Variants in BMPER observed in about 807,000 individuals in gnomAD.
BMPER encodes the protein BMP-binding endothelial regulator protein.
BMPER carries 45 observed loss-of-function variants against 87.3 expected under a neutral mutation model. The ratio of observed to expected loss-of-function variants is 0.52; its 90% CI spans 0.41 to 0.66. The LOEUF is 0.66. Among genes scored for constraint, BMPER ranks in the 30% least tolerant of loss-of-function variants. The pLI is 0.00. For missense variants in BMPER, 784 were observed against 867.5 expected (o/e 0.90, Z 1.21); for synonymous variants, 326 against 316.2 (o/e 1.03, Z -0.33).
chr7:34,093,218 G>A (rs62449754), intron 13 of BMPER, among the ~76,000 whole-genome samples: 8,999 of 152,240 alleles, frequency 0.059, 566 homozygotes, highest in African/African-American at 0.16. Flanking sequence ...TCCTCACCTC[G>A]TGGCATCATG....
chr7:34,080,115 A>G (rs921779879), intron 12 of BMPER, among the ~76,000 whole-genome samples: 2 of 152,126 alleles, frequency 1.3e-5, no homozygotes, highest in African/African-American at 4.8e-5. Context: ...CTATTTTTTT[A>G]AAGCATGATA....
intron 6 of BMPER, among the ~76,000 whole-genome samples, chr7:34,029,219 A>G (rs948701689): frequency 6.6e-6 from 1 of 152,076 alleles, no homozygotes; most frequent in African/African-American, 2.4e-5. Context: ...TTGTTTGTGC[A>G]TGTTGTGCCA....
At position 34,153,279 on chromosome 7, in the gene BMPER, GT is replaced by G; in HGVS notation, c.*9del. ...TCCTTTGTCCCCAGCGGTGACCTTT[GT>G]TTCGATCCTTAAGACTCTGAAATCT... On this transcript the variant is annotated 3_prime_UTR_variant, in exon 15 of 15. Transcript: ENST00000649409. 6.2e-7 allele frequency: 1 copy of G among 1,613,842 alleles called. No homozygotes were observed. The highest frequency in any genetic ancestry group is 8.5e-7 in the Non-Finnish European group (1 of 1,179,898).
intron 2 of BMPER, among the ~76,000 whole-genome samples, chr7:33,928,855 A>G (rs1453689986): frequency 1.3e-5 from 2 of 152,140 alleles, no homozygotes; most frequent in East Asian, 3.9e-4. Flanking sequence ...TTAGTGATGT[A>G]TTAGGGCCAT....
At chr7:34,015,904 G>C (rs1787011654) in intron 6 of BMPER, among the ~76,000 whole-genome samples, 1 of 151,838 alleles carries the variant, frequency 6.6e-6, no homozygotes, top group Non-Finnish European at 1.5e-5. Context: ...GGAGCCTGTA[G>C]AGTAGCATTT....
rs547494618 is a variant in BMPER, at chr7:34,110,989, C to G, written c.1745+24897C>G. On this transcript the variant is annotated intron_variant, in intron 13 of 14. Coordinates refer to ENST00000649409, the MANE Select transcript of BMPER (RefSeq NM_001365308.1). The stretch of plus-strand genomic sequence containing the variant: ...AATGTTTCCAAGAGAAAAAGTCCTT[C>G]TGGTTCAGCAGTTTTCTTTTAAGTT... Among the ~76,000 whole-genome samples the G allele has an allele frequency of 1.1e-4, 17 of 152,304 alleles. No individual in the cohort carries two copies. In the South Asian group the frequency reaches 3.3e-3, roughly 30 times the overall value.
At chr7:34,122,536 G>A (rs894897588) in intron 13 of BMPER, among the ~76,000 whole-genome samples, 2 of 152,186 alleles carry the variant, frequency 1.3e-5, no homozygotes, top group Admixed American at 6.5e-5. Context: ...AGAGTCCTTA[G>A]TGAATTTGCC....
chr7:33,960,277 G>A (rs12672150), intron 3 of BMPER, among the ~76,000 whole-genome samples: 20,194 of 152,168 alleles, frequency 0.13, 1,846 homozygotes, highest in East Asian at 0.24. Flanking sequence ...AGTAATAAAA[G>A]CCTGTTTTAA....
chr7:34,145,584 A>G (rs1474319722), intron 14 of BMPER, among the ~76,000 whole-genome samples: 1 of 152,180 alleles, frequency 6.6e-6, no homozygotes, highest in African/African-American at 2.4e-5. Flanking sequence ...GCCATCTTGA[A>G]TACTCCTAGC....
At chr7:34,037,785 A>G (rs938818117) in intron 6 of BMPER, among the ~76,000 whole-genome samples, 2 of 152,244 alleles carry the variant, frequency 1.3e-5, no homozygotes, top group African/African-American at 4.8e-5. Flanking sequence ...GAATAAGACG[A>G]AAACATTGGA....
At chr7:34,136,464 C>T (rs1275938868) in intron 13 of BMPER, among the ~76,000 whole-genome samples, 1 of 152,144 alleles carries the variant, frequency 6.6e-6, no homozygotes, top group African/African-American at 2.4e-5. Flanking sequence ...GAAATTAGGG[C>T]AGGATTTCAA....
intron 6 of BMPER, among the ~76,000 whole-genome samples, chr7:34,040,707 G>A (rs539836228): frequency 1.3e-5 from 2 of 152,236 alleles, no homozygotes; most frequent in Admixed American, 1.3e-4. Flanking sequence ...TGTGTTAGTG[G>A]ATTATAAATT....
At chr7:34,017,729 A>T (rs1220358586) in intron 6 of BMPER, among the ~76,000 whole-genome samples, 3 of 151,358 alleles carry the variant, frequency 2.0e-5, no homozygotes, top group Non-Finnish European at 4.4e-5. Context: ...CAGTAGTTCT[A>T]GGGCAGGGTG....
At chr7:34,128,418 C>A (rs1790458309) in intron 13 of BMPER, among the ~76,000 whole-genome samples, 1 of 152,164 alleles carries the variant, frequency 6.6e-6, no homozygotes, top group South Asian at 2.1e-4. Context: ...AGTACCCCGC[C>A]TTACTCATCT....
At chr7:33,989,774 T>A (rs1042131444) in intron 6 of BMPER, among the ~76,000 whole-genome samples, 13 of 152,170 alleles carry the variant, frequency 8.5e-5, no homozygotes, top group Admixed American at 3.9e-4. Flanking sequence ...CTTTAATCCA[T>A]CTTGAATTGA....
Position 34,020,888 on chromosome 7 carries a change from A to G in BMPER, c.577-25418A>G, listed in dbSNP as rs111522042. On this transcript the variant is annotated intron_variant, in intron 6 of 14. Coordinates refer to ENST00000649409, the MANE Select transcript of BMPER (RefSeq NM_001365308.1). The stretch of plus-strand genomic sequence containing the variant: ...CACACACACACACACACACACACAC[A>G]CACGCACGCACACACACATATGCAT... Among the ~76,000 whole-genome samples, 1,227 of 147,330 alleles carry G rather than the reference A, an allele frequency of 8.3e-3. 8 individuals carry two copies. The highest frequency in any genetic ancestry group is 0.013 in the Non-Finnish European group (877 of 67,022).
chr7:33,986,041 G>T (rs1217868229), intron 6 of BMPER, among the ~76,000 whole-genome samples: 1 of 152,128 alleles, frequency 6.6e-6, no homozygotes. Context: ...TTTTGTCCAA[G>T]ACTTTTCATT....
chr7:33,984,412 C>T (rs148539632), intron 6 of BMPER, among the ~76,000 whole-genome samples: 19,105 of 151,794 alleles, frequency 0.13, 1,616 homozygotes, highest in Admixed American at 0.23. Context: ...TTGCAGTGAG[C>T]CGAGATCATG....
In BMPER at chr7:34,046,587, G is replaced by A. The variant is rs1185390893; in HGVS notation, c.676+182G>A. Among the ~76,000 whole-genome samples the A allele has an allele frequency of 2.6e-5, 4 of 152,168 alleles. No individual in the cohort carries two copies. In the South Asian group the frequency reaches 8.3e-4, roughly 32 times the overall value. ...TGTACAGGGTTTGCTTCTTAACGGA[G>A]ACCTCCAGGGAGGCTTCTCTCTTGT... is the stretch of plus-strand genomic sequence containing the variant. On this transcript the variant is annotated intron_variant, in intron 7 of 14. Coordinates refer to ENST00000649409, the MANE Select transcript of BMPER (RefSeq NM_001365308.1).
Sources: gnomAD v4.1 joint callset for allele counts (sites outside exome capture counted in the v4.1 genomes callset) on GRCh38, gnomAD v4.1.1 for gene constraint, MANE v1.5 for transcripts, NCBI Gene and HGNC (gene_info 2026-07-23, HGNC 2026-07-21) for gene names.